Variants in IL22RA1 observed in about 807,000 individuals in gnomAD.
The protein encoded by IL22RA1 is interleukin-22 receptor subunit alpha-1.
In IL22RA1, 25 loss-of-function variants were observed where a neutral mutation model predicts 32.8. That is an observed-to-expected ratio of 0.76 (90% CI 0.55 to 1.06). The LOEUF is 1.06. IL22RA1 is among the 50% of genes least tolerant of loss of function. The pLI is 0.00. For synonymous variants in IL22RA1, 305 were observed against 305.0 expected (o/e 1.00, Z 0.00); for missense variants, 709 against 727.4 (o/e 0.97, Z 0.29).
intron 1 of IL22RA1, among the ~76,000 whole-genome samples, chr1:24,142,254 A>G (rs545307398): frequency 6.6e-6 from 1 of 152,228 alleles, no homozygotes. Flanking sequence ...CTCGTCCTGC[A>G]CTTGAGCAAG....
chr1:24,123,523 G>A (rs1199498183), intron 5 of IL22RA1, 100 bp from the exon 6 acceptor site: 1 of 1,541,008 alleles, frequency 6.5e-7, no homozygotes, highest in Non-Finnish European at 8.8e-7. Context: ...ACCCTCTCTG[G>A]CTGGGCTGGC....
intron 4 of IL22RA1, among the ~76,000 whole-genome samples, chr1:24,132,206 A>T (rs1261910013): frequency 6.6e-6 from 1 of 152,070 alleles, no homozygotes; most frequent in East Asian, 1.9e-4. Flanking sequence ...TAAAATTCAG[A>T]TCCCAGGGAT....
chr1:24,134,725 C>A (rs1157243051), intron 3 of IL22RA1, among the ~76,000 whole-genome samples: 1 of 152,152 alleles, frequency 6.6e-6, no homozygotes, highest in Non-Finnish European at 1.5e-5. Flanking sequence ...CACCCTTCCT[C>A]CCTCATCTAT....
At chr1:24,123,538 C>A (rs1181296681) in intron 5 of IL22RA1, 115 bp from the exon 6 acceptor site, 3 of 1,527,444 alleles carry the variant, frequency 2.0e-6, no homozygotes, top group African/African-American at 2.8e-5. Flanking sequence ...GCTGGCAAGG[C>A]CTCTCCTACC....
chr1:24,142,968 G>T, intron 1 of IL22RA1, 72 bp downstream of exon 1: 1 of 1,414,406 alleles, frequency 7.1e-7, no homozygotes. Flanking sequence ...TGGGGAGGGT[G>T]CTGGGGAGAT....
At chr1:24,141,828 G>GT (rs1287163630) in intron 1 of IL22RA1, among the ~76,000 whole-genome samples, 2 of 152,190 alleles carry the variant, frequency 1.3e-5, no homozygotes, top group Non-Finnish European at 2.9e-5. Context: ...AAGGCAACTT[G>GT]TTTTTTCACA....
chr1:24,136,421 A>G (rs1644242856), intron 3 of IL22RA1, among the ~76,000 whole-genome samples: 1 of 152,234 alleles, frequency 6.6e-6, no homozygotes, highest in Non-Finnish European at 1.5e-5. Context: ...GATGAAGACA[A>G]TAAGCCCTGT....
In IL22RA1 at chr1:24,137,175, C is replaced by A. The variant is rs143430940; in HGVS notation, c.311G>T (p.Arg104Leu). The A allele has an allele frequency of 3.7e-6, 6 of 1,613,862 alleles. No homozygotes were observed. Among genetic ancestry groups the A allele is most frequent in the East Asian group, 2.2e-5 (1 of 44,886 alleles). The change falls in exon 3 of 7, where the codon CGG becomes CTG. Residue 104 changes from arginine (R) to leucine (L), a missense_variant. Physicochemically the swap from Arg to Leu is moderately radical, Grantham distance 102. Coordinates refer to ENST00000270800, the MANE Select transcript of IL22RA1 (RefSeq NM_021258.4). Reference protein sequence around the residue: ...ARVTAVSAGGRSATKMTDRFS... With the variant: ...ARVTAVSAGGLSATKMTDRFS... ...CCTGTCAGTCATCTTGGTGGCTGACCGGCCTCCCGCACTGACAGCGGTGAC... is the reference window on the plus strand; with the variant it reads ...CCTGTCAGTCATCTTGGTGGCTGACAGGCCTCCCGCACTGACAGCGGTGAC...
At chr1:24,140,409 A>T (rs1415867135) in intron 1 of IL22RA1, among the ~76,000 whole-genome samples, 1 of 152,106 alleles carries the variant, frequency 6.6e-6, no homozygotes, top group African/African-American at 2.4e-5. Context: ...GGAGGGGGCT[A>T]TCTTGTTCAC....
chr1:24,121,877 T>C, intron 6 of IL22RA1, 140 bp from the exon 7 acceptor site: 1 of 551,944 alleles, frequency 1.8e-6, no homozygotes, highest in Non-Finnish European at 3.0e-6. Context: ...TATCCCCATC[T>C]GCTTCCCAGA....
chr1:24,123,438 G>A lies in IL22RA1; in HGVS notation c.671-15C>T, dbSNP rs548175390. On this transcript the variant is annotated splice_polypyrimidine_tract_variant and intron_variant, in intron 5 of 6. Coordinates refer to ENST00000270800, the MANE Select transcript of IL22RA1 (RefSeq NM_021258.4). ...CCATGTCCGGTCTGGGAAACCAAAG[G>A]GGCCAGAGAAGGAAGCGTGAGGCTG... is the stretch of plus-strand genomic sequence containing the variant. 1 of 1,611,436 alleles carries A rather than the reference G, an allele frequency of 6.2e-7. No individual in the cohort carries two copies. The highest frequency in any genetic ancestry group is 1.1e-5 in the South Asian group (1 of 90,390).
chr1:24,141,031 G>A (rs922269709), intron 1 of IL22RA1, among the ~76,000 whole-genome samples: 1 of 152,210 alleles, frequency 6.6e-6, no homozygotes, highest in Non-Finnish European at 1.5e-5. Flanking sequence ...GTCCGACCCC[G>A]CTGCACATCC....
Position 24,128,181 on chromosome 1 carries a change from C to T in IL22RA1, c.630G>A (p.Lys210=), listed in dbSNP as rs779014817. 2.6e-5 allele frequency: 42 copies of T among 1,591,240 alleles called. No homozygotes were observed. Among genetic ancestry groups the T allele is most frequent in the Admixed American group, 5.2e-5 (3 of 58,198 alleles). ...TIMICVPTWA[K]ESAPYMCRVK... The stretch of plus-strand genomic sequence containing the variant: ...CTCGGCACATGTAGGGGGCACTCTC[C>T]TTGGCCCAGGTGGGAACGCAAATCA... Residue 210 remains lysine, a synonymous_variant, in exon 5 of 7, where the codon AAG becomes AAA. Coordinates refer to ENST00000270800, the MANE Select transcript of IL22RA1 (RefSeq NM_021258.4).
At chr1:24,139,813 C>T (rs1054316949) in intron 1 of IL22RA1, among the ~76,000 whole-genome samples, 4 of 152,234 alleles carry the variant, frequency 2.6e-5, no homozygotes, top group East Asian at 1.9e-4. Context: ...TTCTCCACAT[C>T]GCCATTGATG....
At chr1:24,122,243 G>T (rs1296404118) in intron 6 of IL22RA1, among the ~76,000 whole-genome samples, 1 of 152,180 alleles carries the variant, frequency 6.6e-6, no homozygotes, top group Non-Finnish European at 1.5e-5. Context: ...GCAGGCTCCG[G>T]GTGCCTCAGG....
At chr1:24,125,472 G>T (rs1393606961) in intron 5 of IL22RA1, among the ~76,000 whole-genome samples, 1 of 152,204 alleles carries the variant, frequency 6.6e-6, no homozygotes, top group Non-Finnish European at 1.5e-5. Flanking sequence ...TATCTACGGA[G>T]AGGTAGGTAA....
At chr1:24,132,331 GTGT>G (rs1189121708) in intron 4 of IL22RA1, among the ~76,000 whole-genome samples, 1 of 142,154 alleles carries the variant, frequency 7.0e-6, no homozygotes, top group Non-Finnish European at 1.5e-5. Flanking sequence ...TTTTGTGTGT[GTGT>G]TTTTTTTTTT....
At chr1:24,128,739 G>T (rs1244193339) in intron 4 of IL22RA1, among the ~76,000 whole-genome samples, 1 of 151,978 alleles carries the variant, frequency 6.6e-6, no homozygotes, top group Admixed American at 6.6e-5. Context: ...GGGCCTCAAG[G>T]CTTCAGCCTG....
chr1:24,128,174 C>A lies in IL22RA1; in HGVS notation c.637G>T (p.Ala213Ser). The A allele has an allele frequency of 6.3e-7, 1 of 1,582,398 alleles. No individual in the cohort carries two copies. Among genetic ancestry groups the A allele is most frequent in the Non-Finnish European group, 8.6e-7 (1 of 1,163,854 alleles). Residue 213 changes from alanine to serine, a missense_variant, in exon 5 of 7, where the codon GCC (alanine) becomes TCC (serine). Coordinates refer to ENST00000270800, the MANE Select transcript of IL22RA1 (RefSeq NM_021258.4). ...GTCTTCACTCGGCACATGTAGGGGG[C>A]ACTCTCCTTGGCCCAGGTGGGAACG... ...ICVPTWAKES[A>S]PYMCRVKTLP... is the part of the protein sequence containing the mutation.
Sources: allele counts gnomAD v4.1 joint callset (sites outside exome capture counted in the v4.1 genomes callset), GRCh38; gene constraint gnomAD v4.1.1; transcripts MANE v1.5; gene names NCBI Gene and HGNC (gene_info 2026-07-23, HGNC 2026-07-21).